SRGAP3: variants seen among roughly 807,000 people sequenced by gnomAD.
SRGAP3 encodes SLIT-ROBO Rho GTPase activating protein 3.
In SRGAP3, 39 loss-of-function variants were observed where a neutral mutation model predicts 121.1. That is an observed-to-expected ratio of 0.32 (90% CI 0.25 to 0.42). The LOEUF is 0.42. Ranked by LOEUF, SRGAP3 falls within the 10% of genes least tolerant of loss-of-function variation. The pLI, the probability that SRGAP3 is intolerant of heterozygous loss-of-function variation, is 1.00. For missense variants in SRGAP3, 1,213 were observed against 1,470.6 expected (o/e 0.82, Z 2.86); for synonymous variants, 601 against 570.0 (o/e 1.05, Z -0.77).
intron 1 of SRGAP3, among the ~76,000 whole-genome samples, chr3:9,341,390 G>A (rs1000844584): frequency 2.6e-5 from 4 of 152,186 alleles, no homozygotes; most frequent in African/African-American, 7.2e-5. Context: ...CTTAAAGCAC[G>A]AAGAAAAGAA....
In SRGAP3 at chr3:8,985,469, G is replaced by A. The variant is rs769367571; in HGVS notation, c.*50C>T. ...ACGTGGAAGCCACCAAGGCCACCCT[G>A]GGCCGTGGTGAGCCACAGCGGGCCA... is the stretch of plus-strand genomic sequence containing the variant. On this transcript the variant is annotated 3_prime_UTR_variant, in exon 22 of 22. Transcript: ENST00000383836. This position sits in a 1 kb window ranked among gnomAD's most constrained non-coding sequence, Gnocchi z 5.1. The A allele has an allele frequency of 6.3e-7, 1 of 1,594,330 alleles. No individual in the cohort carries two copies. Among genetic ancestry groups the A allele is most frequent in the Non-Finnish European group, 8.5e-7 (1 of 1,177,648 alleles).
chr3:9,230,630 G>A (rs980451434), intron 1 of SRGAP3, among the ~76,000 whole-genome samples: 2 of 152,300 alleles, frequency 1.3e-5, no homozygotes, highest in South Asian at 4.1e-4. Flanking sequence ...CAGCACTTTG[G>A]AAGGATAAGG....
chr3:9,011,896 T>G (rs896254731), intron 17 of SRGAP3, among the ~76,000 whole-genome samples: 9 of 152,246 alleles, frequency 5.9e-5, no homozygotes, highest in Non-Finnish European at 1.3e-4. Flanking sequence ...AAAAGTGTGG[T>G]TATTGTATAT....
chr3:9,307,881 G>A (rs1055541145), intron 3 of SRGAP3, among the ~76,000 whole-genome samples: 6 of 152,212 alleles, frequency 3.9e-5, no homozygotes, highest in African/African-American at 1.2e-4. Context: ...CAGGCTGGGC[G>A]TGGCAGCTCA....
Position 9,096,340 on chromosome 3 carries a change from A to G in SRGAP3, c.423+8340T>C, listed in dbSNP as rs960610875. On this transcript the variant is annotated intron_variant, in intron 3 of 21. Transcript: ENST00000383836. ...TGGGATGCAGCTAATTTGTAGCCTC[A>G]ATGGCATCAATTTTCAATTATTCTC... Among the ~76,000 whole-genome samples, 5 of 152,308 alleles carry G rather than the reference A, an allele frequency of 3.3e-5. No homozygotes were observed. The East Asian group carries it at 7.7e-4, about 24-fold the overall frequency.
intron 6 of SRGAP3, 47 bp downstream of exon 6, chr3:9,060,184 G>C: frequency 6.2e-7 from 1 of 1,613,186 alleles, no homozygotes; most frequent in South Asian, 1.1e-5. Context: ...ACATGTGCCA[G>C]CCCTGGTGTG....
intron 3 of SRGAP3, among the ~76,000 whole-genome samples, chr3:9,306,985 T>C (rs1403150198): frequency 1.3e-5 from 2 of 152,222 alleles, no homozygotes; most frequent in African/African-American, 4.8e-5. Context: ...CTTTTTTTTC[T>C]TTTTTGAGAT....
intron 3 of SRGAP3, among the ~76,000 whole-genome samples, chr3:9,088,857 G>T (rs1197790009): frequency 6.6e-6 from 1 of 152,084 alleles, no homozygotes; most frequent in Non-Finnish European, 1.5e-5. Context: ...AAGTACGGTG[G>T]CCCCTTCGGT....
intron 1 of SRGAP3, among the ~76,000 whole-genome samples, chr3:9,344,576 T>C (rs1286582402): frequency 2.0e-5 from 3 of 151,164 alleles, no homozygotes; most frequent in Non-Finnish European, 3.0e-5. Flanking sequence ...GAGGTTGCAG[T>C]GAGCCGAGAT....
chr3:9,158,128 A>G (rs1262806164), intron 1 of SRGAP3, among the ~76,000 whole-genome samples: 2 of 152,212 alleles, frequency 1.3e-5, no homozygotes, highest in Admixed American at 6.5e-5. Flanking sequence ...ACAAATTGTA[A>G]AAGAGCAAAG....
intron 1 of SRGAP3, among the ~76,000 whole-genome samples, chr3:9,146,544 C>T (rs954695777): frequency 5.4e-4 from 82 of 152,316 alleles, no homozygotes; most frequent in African/African-American, 1.9e-3. Flanking sequence ...ACATTTACCC[C>T]TCACCTGGTG....
At chr3:9,127,611 C>T (rs950006086) in intron 1 of SRGAP3, among the ~76,000 whole-genome samples, 11 of 152,170 alleles carry the variant, frequency 7.2e-5, no homozygotes, top group African/African-American at 2.7e-4. Flanking sequence ...CCACACCCAG[C>T]TAGTTTTTTG....
chr3:9,349,173 A>G, intron 1 of SRGAP3: 1 of 731,172 alleles, frequency 1.4e-6, no homozygotes, highest in South Asian at 1.3e-5. Context: ...GTGGCTGCCC[A>G]GGGTAAGGCC....
chr3:9,357,597 G>GAA (rs978013543), intron 1 of SRGAP3, among the ~76,000 whole-genome samples: 1 of 92,604 alleles, frequency 1.1e-5, no homozygotes. Flanking sequence ...GTATGTAAAA[G>GAA]AAAAAAAAAA....
At chr3:9,159,173 C>A (rs960510104) in intron 1 of SRGAP3, among the ~76,000 whole-genome samples, 3 of 152,122 alleles carry the variant, frequency 2.0e-5, no homozygotes, top group Non-Finnish European at 4.4e-5. Context: ...CCTGCCTATC[C>A]CAAGAACCCT....
At chr3:9,319,478 G>A (rs1349446186) in intron 3 of SRGAP3, among the ~76,000 whole-genome samples, 1 of 151,868 alleles carries the variant, frequency 6.6e-6, no homozygotes, top group Non-Finnish European at 1.5e-5. Context: ...GGCCAGAATG[G>A]GTGGTAACAG....
intron 4 of SRGAP3, among the ~76,000 whole-genome samples, chr3:9,070,369 C>A (rs1192901050): frequency 6.6e-6 from 1 of 152,248 alleles, no homozygotes; most frequent in Non-Finnish European, 1.5e-5. Flanking sequence ...ATGGGTGAAA[C>A]CCTAGGCCAG....
intron 10 of SRGAP3, among the ~76,000 whole-genome samples, chr3:9,043,414 C>A (rs1380179596): frequency 6.6e-6 from 1 of 152,216 alleles, no homozygotes; most frequent in Non-Finnish European, 1.5e-5. Context: ...ACTATCTCCC[C>A]AGGCCTGGCC....
At chr3:9,320,438 G>C (rs1575001561) in intron 3 of SRGAP3, among the ~76,000 whole-genome samples, 1 of 151,718 alleles carries the variant, frequency 6.6e-6, no homozygotes, top group African/African-American at 2.4e-5. Context: ...TTGTGATAGT[G>C]AGTGAGTTAT....
Sources: gnomAD v4.1 joint callset for allele counts (sites outside exome capture counted in the v4.1 genomes callset) on GRCh38, gnomAD v4.1.1 for gene constraint, Gnocchi (gnomAD v3.1) non-coding constraint, MANE v1.5 for transcripts, NCBI Gene and HGNC (gene_info 2026-07-23, HGNC 2026-07-21) for gene names.